The following SMCHD1 variants were observed in gnomAD, a reference collection of about 807,000 sequenced individuals.
The protein encoded by SMCHD1 is structural maintenance of chromosomes flexible hinge domain containing 1.
In SMCHD1, 78 loss-of-function variants were observed where a neutral mutation model predicts 254.7. The ratio of observed to expected loss-of-function variants is 0.31; its 90% CI spans 0.26 to 0.37. The LOEUF (loss-of-function observed/expected upper bound fraction) is 0.37. Ranked by LOEUF, SMCHD1 falls within the 10% of genes least tolerant of loss-of-function variation. SMCHD1 has a pLI of 1.00. For missense variants in SMCHD1, 1,840 were observed against 2,408.1 expected (o/e 0.76, Z 4.94); for synonymous variants, 766 against 794.9 (o/e 0.96, Z 0.61).
chr18:2,779,333 G>A (rs570405497), intron 44 of SMCHD1, among the ~76,000 whole-genome samples: 1 of 152,270 alleles, frequency 6.6e-6, no homozygotes, highest in Admixed American at 6.5e-5. Context: ...GTATTAGCCA[G>A]GGGTTCTTTT....
At chr18:2,754,512 G>C (rs896490713) in intron 34 of SMCHD1, among the ~76,000 whole-genome samples, 1 of 152,214 alleles carries the variant, frequency 6.6e-6, no homozygotes, top group South Asian at 2.1e-4. Flanking sequence ...GTGACAATGC[G>C]TATAAAATGT....
intron 20 of SMCHD1, among the ~76,000 whole-genome samples, chr18:2,723,080 T>G (rs1341783333): frequency 6.6e-6 from 1 of 152,214 alleles, no homozygotes; most frequent in Non-Finnish European, 1.5e-5. Context: ...TTCTCAATCT[T>G]TTTGTTTCTG....
At position 2,729,287 on chromosome 18, in the gene SMCHD1, C is replaced by T. The variant is rs750059350; in HGVS notation, c.2926C>T (p.Pro976Ser). 31 of 1,496,152 alleles carry T rather than the reference C, an allele frequency of 2.1e-5. No homozygotes were observed. The highest frequency in any genetic ancestry group is 2.8e-5 in the Non-Finnish European group (31 of 1,125,052). The allele number at this position is 1,496,152 out of a possible 1,614,324, so 92.7% of individuals were successfully genotyped here. A position where few individuals can be genotyped will look rare whatever the true frequency, so the allele number is the denominator to read the frequency against. ...LIVHCKFSGA[P>S]NLPVYVVDCS... ...ATCTTTCAAATAGTTTTCAGGTGCT[C>T]CAAACCTTCCAGTCTATGTTGTAGA... The change falls in exon 24 of 48, where the codon CCA (proline) becomes TCA (serine). Residue 976 changes from proline to serine, a missense_variant. Around this residue, in one of 9 missense-constraint regions of SMCHD1, gnomAD observed 881 missense variants for 1,009.5 expected, o/e 0.87. Transcript: ENST00000320876.
chr18:2,694,998 C>T (rs2074256121), intron 8 of SMCHD1, among the ~76,000 whole-genome samples: 2 of 152,076 alleles, frequency 1.3e-5, no homozygotes, highest in Non-Finnish European at 2.9e-5. Flanking sequence ...TCCATGACCC[C>T]GTTTTGTGCT....
intron 40 of SMCHD1, 138 bp from the exon 41 acceptor site, chr18:2,772,112 T>G: frequency 1.9e-6 from 1 of 524,354 alleles, no homozygotes; most frequent in Non-Finnish European, 2.8e-6. Flanking sequence ...TTTCTGATAG[T>G]TTTTTTTTTA....
intron 47 of SMCHD1, chr18:2,796,939 GAATT>G (rs573953158): frequency 1.7e-3 from 263 of 152,926 alleles, no homozygotes; most frequent in African/African-American, 5.7e-3. Context: ...CTTTGAGCCA[GAATT>G]AATATTTTAA....
intron 1 of SMCHD1, among the ~76,000 whole-genome samples, chr18:2,658,612 G>A (rs1200206797): frequency 6.6e-6 from 1 of 152,100 alleles, no homozygotes; most frequent in African/African-American, 2.4e-5. Flanking sequence ...AAAAAAGAAG[G>A]CTGAGAAGGC....
rs192317159 is a variant in SMCHD1 at position 2,681,536 on chromosome 18, G to C, written c.639-6858G>C. 9.1e-4 allele frequency among the ~76,000 whole-genome samples: 129 copies of C among 141,618 alleles called. 1 individual carries two copies. Among genetic ancestry groups the C allele is most frequent in the Admixed American group, 5.1e-3 (68 of 13,278 alleles). The allele number at this position is 141,618 out of a possible 152,430, so 92.9% of individuals were successfully genotyped here. Reference sequence around the variant, plus strand: ...GGAGGTCGAGGCCGCAGTAATCCATGATCACGCCACTGCACTCCAGCCTGG... The same window carrying C: ...GGAGGTCGAGGCCGCAGTAATCCATCATCACGCCACTGCACTCCAGCCTGG... On this transcript the variant is annotated intron_variant, in intron 5 of 47. Coordinates refer to ENST00000320876, the MANE Select transcript of SMCHD1 (RefSeq NM_015295.3).
intron 5 of SMCHD1, among the ~76,000 whole-genome samples, chr18:2,677,846 T>C (rs954566566): frequency 3.9e-5 from 6 of 152,046 alleles, no homozygotes; most frequent in African/African-American, 1.4e-4. Context: ...CTCCAACTCC[T>C]GAGCTGAAGC....
At chr18:2,711,129 T>A (rs749924739) in intron 17 of SMCHD1, among the ~76,000 whole-genome samples, 8 of 151,676 alleles carry the variant, frequency 5.3e-5, no homozygotes, top group South Asian at 2.1e-4. Context: ...GACATGCTCA[T>A]TGCACCCAGC....
intron 44 of SMCHD1, among the ~76,000 whole-genome samples, chr18:2,781,824 A>G (rs2076161800): frequency 6.6e-6 from 1 of 152,202 alleles, no homozygotes; most frequent in Admixed American, 6.5e-5. Flanking sequence ...AGAAAGAGAA[A>G]ATGGAATGTA....
chr18:2,796,645 A>T (rs530044599), intron 47 of SMCHD1, 124 bp downstream of exon 47: 3 of 685,670 alleles, frequency 4.4e-6, no homozygotes, highest in Non-Finnish European at 7.4e-6. Flanking sequence ...CAGTGGCACA[A>T]TCTTGGCTCA....
chr18:2,660,043 G>A (rs569594067), intron 1 of SMCHD1, among the ~76,000 whole-genome samples: 2 of 152,270 alleles, frequency 1.3e-5, no homozygotes, highest in South Asian at 4.1e-4. Flanking sequence ...GAGAAGTTGG[G>A]GACGGCATAG....
chr18:2,670,699 G>A (rs1169557762), intron 3 of SMCHD1, among the ~76,000 whole-genome samples: 3 of 152,020 alleles, frequency 2.0e-5, no homozygotes, highest in East Asian at 2.0e-4. Context: ...TCAGGAGTTC[G>A]AGACCATCCT....
chr18:2,785,112 G>A (rs2076218108), intron 45 of SMCHD1: 1 of 254,356 alleles, frequency 3.9e-6, no homozygotes, highest in African/African-American at 2.3e-5. Context: ...CCCTTCCACA[G>A]GCTGTGTCCC....
Position 2,700,583 on chromosome 18 carries a change from A to C in SMCHD1, c.1387A>C (p.Lys463Gln). The C allele has an allele frequency of 6.2e-7, 1 of 1,612,292 alleles. No individual in the cohort carries two copies. Among genetic ancestry groups the C allele is most frequent in the South Asian group, 1.1e-5 (1 of 90,908 alleles). Reference protein sequence around the residue: ...DDEDDCFILEKAARGKRPIFE... With the variant: ...DDEDDCFILEQAARGKRPIFE... The stretch of plus-strand genomic sequence containing the variant: ...TGAAGATGATTGTTTCATACTTGAG[A>C]AAGCAGCTAGAGGGAAAAGGCCTAT... Residue 463 changes from lysine to glutamine, a missense_variant, in exon 11 of 48, where the codon AAA (lysine) becomes CAA (glutamine). By Grantham distance (53) the Lys-to-Gln change is moderately conservative (BLOSUM62 1). This residue lies in a region of SMCHD1 where 498 missense variants were observed against 743.5 expected (regional missense o/e 0.67). Transcript: ENST00000320876.
At chr18:2,732,026 G>A (rs1394547543) in intron 24 of SMCHD1, among the ~76,000 whole-genome samples, 2 of 152,040 alleles carry the variant, frequency 1.3e-5, no homozygotes, top group African/African-American at 4.8e-5. Context: ...AAATAAAAAG[G>A]AGGGGAATCC....
At position 2,804,232 on chromosome 18, in the gene SMCHD1, A is replaced by G. The variant is rs1400178646; in HGVS notation, c.*1680A>G. On this transcript the variant is annotated 3_prime_UTR_variant, in exon 48 of 48. Coordinates refer to ENST00000320876, the MANE Select transcript of SMCHD1 (RefSeq NM_015295.3). ...AGGAGTCATGTTTTAAATCCAAGGC[A>G]TTGAGACTATCTAGAAGCAAAAAAG... is the stretch of plus-strand genomic sequence containing the variant. 2 of 152,248 alleles carry G rather than the reference A, an allele frequency of 1.3e-5. No individual in the cohort carries two copies. The highest frequency in any genetic ancestry group is 3.8e-4 in the East Asian group (2 of 5,198). The allele number at this position is 152,248 out of a possible 1,614,324, so 9.4% of individuals were successfully genotyped here.
At chr18:2,735,837 C>T (rs1598384876) in intron 25 of SMCHD1, among the ~76,000 whole-genome samples, 1 of 152,120 alleles carries the variant, frequency 6.6e-6, no homozygotes, top group Non-Finnish European at 1.5e-5. Context: ...CTGCCCAAAG[C>T]AATCTACAGA....
Sources: gnomAD v4.1 joint callset for allele counts (sites outside exome capture counted in the v4.1 genomes callset) on GRCh38, gnomAD v4.1.1 for gene constraint, gnomAD v4.1.1 regional missense constraint, MANE v1.5 for transcripts, NCBI Gene and HGNC (gene_info 2026-07-23, HGNC 2026-07-21) for gene names.